EIPR1: variants seen among roughly 807,000 people sequenced by gnomAD.
EIPR1 encodes EARP complex and GARP complex interacting protein 1.
A neutral mutation model predicts 48.1 loss-of-function variants in EIPR1; 25 were observed. That is an observed-to-expected ratio of 0.52 (90% CI 0.38 to 0.73). The LOEUF is 0.73. EIPR1 is among the 30% of genes least tolerant of loss of function. The probability of loss-of-function intolerance (pLI) is 0.00; values close to 1 mark genes in which losing one functional copy is unlikely to be tolerated. For synonymous variants in EIPR1, 204 were observed against 201.9 expected, an observed-to-expected ratio of 1.01 and a Z score of -0.09; for missense variants, 415 against 506.2, an observed-to-expected ratio of 0.82 and a Z score of 1.73.
chr2:3,193,282 G>A (rs1300164615), intron 7 of EIPR1, among the ~76,000 whole-genome samples: 1 of 152,238 alleles, frequency 6.6e-6, no homozygotes, highest in East Asian at 1.9e-4. Flanking sequence ...TACAGCTTCA[G>A]ATAAGTAATT....
At chr2:3,365,737 C>CA (rs1225596328) in intron 1 of EIPR1, among the ~76,000 whole-genome samples, 1 of 151,032 alleles carries the variant, frequency 6.6e-6, no homozygotes, top group Non-Finnish European at 1.5e-5. Context: ...GCACATCTTG[C>CA]ACCGCCCTTA....
At chr2:3,306,354 C>T (rs1336092253) in intron 3 of EIPR1, among the ~76,000 whole-genome samples, 2 of 152,172 alleles carry the variant, frequency 1.3e-5, no homozygotes, top group South Asian at 2.1e-4. Flanking sequence ...TTAACTTATT[C>T]CCTGGTCACT....
At chr2:3,230,878 T>G (rs540817762) in intron 4 of EIPR1, among the ~76,000 whole-genome samples, 62 of 152,352 alleles carry the variant, frequency 4.1e-4, no homozygotes, top group African/African-American at 1.4e-3. Flanking sequence ...TCTGTTTCTA[T>G]GGATAAATGC....
chr2:3,305,699 C>T (rs1234002941), intron 3 of EIPR1, among the ~76,000 whole-genome samples: 1 of 152,200 alleles, frequency 6.6e-6, no homozygotes, highest in Non-Finnish European at 1.5e-5. Context: ...CCAGAAAGGC[C>T]CTCACCATTG....
At chr2:3,268,778 C>G (rs1558262885) in intron 3 of EIPR1, among the ~76,000 whole-genome samples, 1 of 152,198 alleles carries the variant, frequency 6.6e-6, no homozygotes, top group Non-Finnish European at 1.5e-5. Flanking sequence ...CTCCCCTTGG[C>G]TCGGAGAGGC....
chr2:3,296,754 TCCTCTCTACACACACAGATTGTTC>T, intron 3 of EIPR1, among the ~76,000 whole-genome samples: 1 of 151,728 alleles, frequency 6.6e-6, no homozygotes, highest in African/African-American at 2.4e-5. Context: ...ATCCAGCCTA[TCCTCTCTACACACACAGATTGTTC>T]CCTCTCTGCA....
intron 3 of EIPR1, among the ~76,000 whole-genome samples, chr2:3,269,105 T>G (rs1667586768): frequency 6.6e-6 from 1 of 152,234 alleles, no homozygotes; most frequent in African/African-American, 2.4e-5. Flanking sequence ...CTCCATCATG[T>G]GGGCATGCTG....
intron 1 of EIPR1, among the ~76,000 whole-genome samples, chr2:3,370,639 T>C (rs1313441002): frequency 6.6e-6 from 1 of 151,790 alleles, no homozygotes. Context: ...AGGGTATCAG[T>C]GATGGAAGAT....
chr2:3,325,497 C>T (rs1000097549), intron 3 of EIPR1, among the ~76,000 whole-genome samples: 8 of 152,134 alleles, frequency 5.3e-5, no homozygotes, highest in Admixed American at 1.3e-4. Context: ...CGAGGGCCGC[C>T]CAGTGAAAGG....
At chr2:3,202,525 G>T (rs1665084118) in intron 5 of EIPR1, among the ~76,000 whole-genome samples, 1 of 152,190 alleles carries the variant, frequency 6.6e-6, no homozygotes, top group Admixed American at 6.5e-5. Context: ...AAACTCTTTA[G>T]AAGACAGAAA....
At chr2:3,366,512 C>T (rs1254633611) in intron 1 of EIPR1, among the ~76,000 whole-genome samples, 1 of 151,924 alleles carries the variant, frequency 6.6e-6, no homozygotes, top group Non-Finnish European at 1.5e-5. Flanking sequence ...CCAGTGAATC[C>T]GAGGACAAAA....
chr2:3,242,663 A>C (rs2103190177), intron 4 of EIPR1, among the ~76,000 whole-genome samples: 1 of 152,386 alleles, frequency 6.6e-6, no homozygotes, highest in East Asian at 1.9e-4. Flanking sequence ...CCTAAAACTC[A>C]AGTTTATTAC....
chr2:3,369,665 T>C (rs943375685), intron 1 of EIPR1, among the ~76,000 whole-genome samples: 2 of 152,128 alleles, frequency 1.3e-5, no homozygotes, highest in African/African-American at 4.8e-5. Flanking sequence ...AACTGCAAGG[T>C]GGCAGCGAGG....
At chr2:3,298,675 A>G (rs989850517) in intron 3 of EIPR1, among the ~76,000 whole-genome samples, 1 of 151,914 alleles carries the variant, frequency 6.6e-6, no homozygotes, top group Non-Finnish European at 1.5e-5. Flanking sequence ...GAGCTCACTC[A>G]GTATTCAGAA....
chr2:3,324,322 T>C lies in EIPR1; in HGVS notation c.259+13695A>G, dbSNP rs1461333366. Reference sequence around the variant, plus strand: ...CCTGCAGGGACACCCACAGAGCCCATGATGAGCAGCACACGAGGCTGCACC... The same window carrying C: ...CCTGCAGGGACACCCACAGAGCCCACGATGAGCAGCACACGAGGCTGCACC... On this transcript the variant is annotated intron_variant, in intron 3 of 8. Coordinates refer to ENST00000382125, the MANE Select transcript of EIPR1 (RefSeq NM_003310.5). Among the ~76,000 whole-genome samples the C allele has an allele frequency of 3.9e-5, 6 of 152,202 alleles. No individual in the cohort carries two copies. In the East Asian group the frequency reaches 1.2e-3, roughly 30 times the overall value.
intron 4 of EIPR1, among the ~76,000 whole-genome samples, chr2:3,247,010 AGCGAGGGAGGGAGAGAGC>A (rs1666843757): frequency 2.0e-4 from 3 of 15,042 alleles, no homozygotes; most frequent in African/African-American, 1.4e-3. Context: ...GGGAGGAGAG[AGCGAGGGAGGGAGAGAGC>A]GAGGGAGGGA....
At chr2:3,306,328 C>T (rs1258060792) in intron 3 of EIPR1, among the ~76,000 whole-genome samples, 1 of 152,148 alleles carries the variant, frequency 6.6e-6, no homozygotes, top group African/African-American at 2.4e-5. Context: ...ATGCAGAATT[C>T]ATTATCTAAG....
At chr2:3,194,326 G>A (rs1476479688) in intron 6 of EIPR1, 160 bp from the exon 7 acceptor site, 7 of 751,106 alleles carry the variant, frequency 9.3e-6, no homozygotes, top group East Asian at 2.8e-5. Flanking sequence ...AGAGGCTGGC[G>A]CCACCTCCTC....
chr2:3,316,654 G>A (rs1434091340), intron 3 of EIPR1, among the ~76,000 whole-genome samples: 2 of 152,152 alleles, frequency 1.3e-5, no homozygotes, highest in East Asian at 3.9e-4. Context: ...CTGTCTTCAC[G>A]TTGACTTTTC....
Sources: allele counts gnomAD v4.1 joint callset (sites outside exome capture counted in the v4.1 genomes callset), GRCh38; gene constraint gnomAD v4.1.1; transcripts MANE v1.5; gene names NCBI Gene and HGNC (gene_info 2026-07-23, HGNC 2026-07-21).